MDN1: variants seen among roughly 807,000 people sequenced by gnomAD.
MDN1 encodes the protein midasin AAA ATPase 1, also known as midasin.
A neutral mutation model predicts 669.2 loss-of-function variants in MDN1; 266 were observed. The ratio of observed to expected loss-of-function variants is 0.40; its 90% CI spans 0.36 to 0.44. The LOEUF (loss-of-function observed/expected upper bound fraction) is 0.44, where lower values mean the gene tolerates loss of function less well. MDN1 is among the 20% of genes least tolerant of loss of function. MDN1 has a pLI of 1.00. For missense variants in MDN1, 5,940 were observed against 6,754.0 expected (o/e 0.88, Z 4.22); for synonymous variants, 2,385 against 2,457.1 (o/e 0.97, Z 0.87).
chr6:89,645,103 C>A lies in MDN1; in HGVS notation c.16514G>T (p.Gly5505Val), dbSNP rs376083197. 1.2e-6 allele frequency: 2 copies of A among 1,611,842 alleles called. No homozygotes were observed. Among genetic ancestry groups the A allele is most frequent in the Non-Finnish European group, 1.7e-6 (2 of 1,178,206 alleles). ...AACTGCTGCCAGGACTCTTTCTTTG[C>A]CCTCAAGGAAAAGGCCTCGCCCATC... ...VSDGRGLFLE[G>V]KERVLAAVQA... The change falls in exon 101 of 102, where the codon GGC becomes GTC. Residue 5505 changes from glycine to valine, a missense_variant. Physicochemically the swap from Gly to Val is moderately radical, Grantham distance 109 (BLOSUM62 -3). Transcript: ENST00000369393.
rs1412392594 is a variant in MDN1, at chr6:89,785,026, T to C, written c.1435A>G (p.Arg479Gly). 1.9e-6 allele frequency: 3 copies of C among 1,612,156 alleles called. No individual in the cohort carries two copies. The highest frequency in any genetic ancestry group is 1.3e-5 in the African/African-American group (1 of 74,880). ...TKIHLDNLDK[R>G]ELNEVLQSRY... is the part of the protein sequence containing the mutation. Reference sequence around the variant, plus strand: ...GACCCACGTACCTCATTCAGTTCTCTCTTATCCAGGTTATCCAGGTGAATT... The same window carrying C: ...GACCCACGTACCTCATTCAGTTCTCCCTTATCCAGGTTATCCAGGTGAATT... The change falls in exon 9 of 102, where the codon AGA (arginine) becomes GGA (glycine). Residue 479 changes from arginine (R) to glycine (G), a missense_variant. This residue lies in a region of MDN1 where 1,203 missense variants were observed against 1,268.9 expected (regional missense o/e 0.95). Transcript: ENST00000369393.
At chr6:89,813,758 C>T (rs1447700455) in intron 1 of MDN1, among the ~76,000 whole-genome samples, 1 of 151,762 alleles carries the variant, frequency 6.6e-6, no homozygotes, top group Non-Finnish European at 1.5e-5. Flanking sequence ...TCATCACTCT[C>T]ATCATTTGCT....
At chr6:89,728,783 A>G (rs571447954) in intron 36 of MDN1, 148 bp downstream of exon 36, 2 of 837,740 alleles carry the variant, frequency 2.4e-6, no homozygotes, top group African/African-American at 3.4e-5. Flanking sequence ...ACAGAACGAG[A>G]CTCTGTCTCA....
chr6:89,814,743 C>A (rs553574749), intron 1 of MDN1: 1 of 374,196 alleles, frequency 2.7e-6, no homozygotes. Context: ...CAGGAGCAGC[C>A]GCTGGACAGC....
chr6:89,743,295 A>G lies in MDN1; in HGVS notation c.4318-15T>C. On this transcript the variant is annotated splice_polypyrimidine_tract_variant and intron_variant, in intron 30 of 101. Transcript: ENST00000369393. ...TCAATTTCTTCCTATAATTTGAAAA[A>G]GTGGGGAAAATTAAAGGGCAGGTGG... 1 of 1,614,004 alleles carries G rather than the reference A, an allele frequency of 6.2e-7. No individual in the cohort carries two copies. The highest frequency in any genetic ancestry group is 8.5e-7 in the Non-Finnish European group (1 of 1,179,932).
At position 89,658,819 on chromosome 6, in the gene MDN1, G is replaced by A; in HGVS notation, c.14812C>T (p.Pro4938Ser). The A allele has an allele frequency of 6.2e-7, 1 of 1,614,070 alleles. No individual in the cohort carries two copies. The highest frequency in any genetic ancestry group is 8.5e-7 in the Non-Finnish European group (1 of 1,179,998). The change falls in exon 89 of 102, where the codon CCA (proline) becomes TCA (serine). Residue 4938 changes from proline (P) to serine (S), a missense_variant. Coordinates refer to ENST00000369393, the MANE Select transcript of MDN1 (RefSeq NM_014611.3). ...TETDQNESQS[P>S]QEPEEGPSED... The stretch of plus-strand genomic sequence containing the variant: ...CTGGGGCCTTCCTCAGGCTCCTGTG[G>A]ACTCTGACTTTCGTTCTGGTCGGTC...
intron 78 of MDN1, 82 bp downstream of exon 78, chr6:89,675,382 C>A: frequency 8.7e-7 from 1 of 1,150,578 alleles, no homozygotes; most frequent in Admixed American, 2.0e-5. Context: ...TCTTATTCCT[C>A]TCCCCACATG....
chr6:89,764,479 C>G lies in MDN1; in HGVS notation c.2145-1949G>C, dbSNP rs141124990. 1.4e-3 allele frequency among the ~76,000 whole-genome samples: 213 copies of G among 152,182 alleles called. 1 individual carries two copies. The East Asian group carries it at 0.017, about 12-fold the overall frequency. ...AATTAGCCAGGCATGCCAGTGTGCC[C>G]CTGTAGTCCCAGTTACTTGGGAAGC... On this transcript the variant is annotated intron_variant, in intron 15 of 101. Transcript: ENST00000369393.
Position 89,686,909 on chromosome 6 carries a change from T to A in MDN1, c.11565A>T (p.Glu3855Asp), listed in dbSNP as rs1442443863. The A allele has an allele frequency of 6.2e-7, 1 of 1,613,828 alleles. No homozygotes were observed. The highest frequency in any genetic ancestry group is 8.5e-7 in the Non-Finnish European group (1 of 1,179,956). Residue 3855 changes from glutamate (E) to aspartate (D), a missense_variant, in exon 69 of 102, where the codon GAA becomes GAT. Around this residue, in one of 5 missense-constraint regions of MDN1, gnomAD observed 2,280 missense variants for 2,576.3 expected, o/e 0.88. Coordinates refer to ENST00000369393, the MANE Select transcript of MDN1 (RefSeq NM_014611.3). ...LEKHMQEQTE[E>D]QEDDKQMTLM... Reference sequence around the variant, plus strand: ...TGTACTGCTAGGCATTACCTTCCTGTTCTTCTGTTTGTTCCTGCATGTGCT... The same window carrying A: ...TGTACTGCTAGGCATTACCTTCCTGATCTTCTGTTTGTTCCTGCATGTGCT...
intron 1 of MDN1, among the ~76,000 whole-genome samples, chr6:89,806,486 G>A (rs1417345233): frequency 2.6e-5 from 4 of 152,154 alleles, no homozygotes; most frequent in Non-Finnish European, 5.9e-5. Context: ...GGAGGCAGAG[G>A]GTGGTGGATC....
intron 29 of MDN1, among the ~76,000 whole-genome samples, chr6:89,744,544 A>G (rs1816487049): frequency 6.6e-6 from 1 of 152,052 alleles, no homozygotes; most frequent in Non-Finnish European, 1.5e-5. Context: ...CTAGGACTAC[A>G]GGCAGATGCC....
At position 89,725,709 on chromosome 6, in the gene MDN1, C is replaced by G. The variant is rs561408549; in HGVS notation, c.5473-313G>C. On this transcript the variant is annotated intron_variant, in intron 37 of 101. Transcript: ENST00000369393. ...TCTCAGCCTGCTGCATAGCTGTGAC[C>G]ACAGGTGTGCACCACCACATCCAGC... Among the ~76,000 whole-genome samples the G allele has an allele frequency of 9.3e-5, 14 of 151,178 alleles. No individual in the cohort carries two copies. The South Asian group carries it at 2.5e-3, about 27-fold the overall frequency.
chr6:89,707,862 A>G (rs986027620), intron 51 of MDN1, among the ~76,000 whole-genome samples: 4 of 151,750 alleles, frequency 2.6e-5, no homozygotes, highest in Non-Finnish European at 5.9e-5. Context: ...AAAATTAAGT[A>G]AATTCATATG....
At chr6:89,649,933 G>A (rs1808733636) in intron 97 of MDN1, 91 bp downstream of exon 97, 3 of 1,299,178 alleles carry the variant, frequency 2.3e-6, no homozygotes, top group Non-Finnish European at 3.3e-6. Flanking sequence ...TAAAGCATTA[G>A]CCATATCATA....
At chr6:89,781,368 A>G in intron 10 of MDN1, 31 bp downstream of exon 10, 1 of 1,600,346 alleles carries the variant, frequency 6.2e-7, no homozygotes, top group Middle Eastern at 1.7e-4. Context: ...AAAAAGAAAG[A>G]AAGAAAAGAA....
chr6:89,694,037 A>G (rs1241182150), intron 62 of MDN1, 37 bp downstream of exon 62: 5 of 1,538,952 alleles, frequency 3.2e-6, no homozygotes, highest in Non-Finnish European at 4.5e-6. Flanking sequence ...AGGAGAGTCA[A>G]TAATCCCCAA....
chr6:89,657,201 A>G (rs1809377441), intron 90 of MDN1, among the ~76,000 whole-genome samples: 1 of 152,210 alleles, frequency 6.6e-6, no homozygotes, highest in Non-Finnish European at 1.5e-5. Context: ...GTACAATATC[A>G]TCTATCTCAT....
intron 5 of MDN1, among the ~76,000 whole-genome samples, chr6:89,791,931 G>A (rs375107810): frequency 3.7e-5 from 5 of 133,750 alleles, no homozygotes; most frequent in East Asian, 2.2e-4. Context: ...GCAGTGGCAC[G>A]ATCTCGGCTC....
intron 40 of MDN1, among the ~76,000 whole-genome samples, 160 bp from the exon 41 acceptor site, chr6:89,719,385 G>A (rs910799236): frequency 3.3e-5 from 5 of 152,176 alleles, no homozygotes; most frequent in Non-Finnish European, 7.3e-5. Flanking sequence ...AGGATTGACT[G>A]CATTTATTTA....
Sources: gnomAD v4.1 joint callset for allele counts (sites outside exome capture counted in the v4.1 genomes callset) on GRCh38, gnomAD v4.1.1 for gene constraint, gnomAD v4.1.1 regional missense constraint, MANE v1.5 for transcripts, NCBI Gene and HGNC (gene_info 2026-07-23, HGNC 2026-07-21) for gene names.